Variants in UHRF2 observed in about 807,000 individuals in gnomAD.
UHRF2 encodes the protein E3 ubiquitin-protein ligase UHRF2.
UHRF2 carries 23 observed loss-of-function variants against 96.8 expected under a neutral mutation model. The ratio of observed to expected loss-of-function variants is 0.24; its 90% CI spans 0.17 to 0.34. The LOEUF (loss-of-function observed/expected upper bound fraction) is 0.34. UHRF2 is among the 10% of genes least tolerant of loss of function. UHRF2 has a pLI of 1.00. For missense variants in UHRF2, 685 were observed against 981.5 expected (o/e 0.70, Z 4.04); for synonymous variants, 385 against 332.6 (o/e 1.16, Z -1.72).
At position 6,461,382 on chromosome 9, in the gene UHRF2, T is replaced by C. The variant is rs1358464008; in HGVS notation, c.863+591T>C. Among the ~76,000 whole-genome samples, 468 of 95,924 alleles carry C rather than the reference T, an allele frequency of 4.9e-3. 3 individuals are homozygous for C. Among genetic ancestry groups the C allele is most frequent in the African/African-American group, 0.02 (448 of 22,524 alleles). 62.9% of individuals were successfully genotyped at this position (95,924 alleles called of 152,430 possible). ...CCCCTCCTCCTCTCCCCCTCCTCCTTCTCTCCTCCCCCCCGCCCCTTGTTC... is the reference window on the plus strand; with the variant it reads ...CCCCTCCTCCTCTCCCCCTCCTCCTCCTCTCCTCCCCCCCGCCCCTTGTTC... On this transcript the variant is annotated intron_variant, in intron 4 of 15. Coordinates refer to ENST00000276893, the MANE Select transcript of UHRF2 (RefSeq NM_152896.3).
intron 8 of UHRF2, among the ~76,000 whole-genome samples, chr9:6,484,061 ATTTC>A (rs1171503015): frequency 6.5e-5 from 9 of 138,718 alleles, no homozygotes; most frequent in Non-Finnish European, 1.3e-4. Flanking sequence ...TTACCTTCTT[ATTTC>A]TTTCTTTCTT....
At chr9:6,432,328 T>C (rs1330102169) in intron 2 of UHRF2, among the ~76,000 whole-genome samples, 2 of 152,226 alleles carry the variant, frequency 1.3e-5, no homozygotes, top group African/African-American at 4.8e-5. Context: ...TTTTGTTTAG[T>C]CTGTATTCTT....
At chr9:6,481,799 G>C in intron 7 of UHRF2, 33 bp downstream of exon 7, 1 of 1,598,070 alleles carries the variant, frequency 6.3e-7, no homozygotes, top group Non-Finnish European at 8.5e-7. Context: ...CTTCCTAATA[G>C]CAAGTTATAA....
rs771326770 is a variant in UHRF2 at position 6,499,825 on chromosome 9, C to T, written c.1909-10C>T. 1.9e-6 allele frequency: 3 copies of T among 1,593,062 alleles called. No homozygotes were observed. The highest frequency in any genetic ancestry group is 1.1e-5 in the South Asian group (1 of 90,022). ...TCTGCATTGTACTCTCCCTCCTCCC[C>T]CCCCATCAGTATCCAGCAGGTTACC... is the stretch of plus-strand genomic sequence containing the variant. On this transcript the variant is annotated splice_polypyrimidine_tract_variant and intron_variant, in intron 12 of 15. Transcript: ENST00000276893.
chr9:6,450,998 T>A (rs930477133), intron 3 of UHRF2, among the ~76,000 whole-genome samples: 4 of 152,208 alleles, frequency 2.6e-5, no homozygotes, highest in African/African-American at 9.7e-5. Flanking sequence ...ATATTGATAG[T>A]TCCAATTAAA....
chr9:6,456,267 T>C (rs966839765), intron 3 of UHRF2, among the ~76,000 whole-genome samples: 1 of 152,206 alleles, frequency 6.6e-6, no homozygotes, highest in African/African-American at 2.4e-5. Context: ...GGTTTTGATG[T>C]GCGTTTCTCT....
intron 10 of UHRF2, chr9:6,494,883 T>G (rs544122460): frequency 6.6e-6 from 1 of 152,332 alleles, no homozygotes; most frequent in East Asian, 1.9e-4. Flanking sequence ...TCTCTGTTTT[T>G]ATGTGTTCTA....
chr9:6,487,016 T>C (rs1824328948), intron 9 of UHRF2, 91 bp downstream of exon 9: 2 of 1,205,948 alleles, frequency 1.7e-6, no homozygotes, highest in Non-Finnish European at 2.4e-6. Context: ...AATACTGTTG[T>C]GTCTTTTTAG....
chr9:6,443,626 C>G (rs1414665319), intron 3 of UHRF2, among the ~76,000 whole-genome samples: 1 of 152,140 alleles, frequency 6.6e-6, no homozygotes, highest in Non-Finnish European at 1.5e-5. Context: ...CAGAGAAGTT[C>G]TTTTTCTTGT....
intron 4 of UHRF2, among the ~76,000 whole-genome samples, chr9:6,472,289 A>C (rs1456439438): frequency 6.6e-6 from 1 of 152,196 alleles, no homozygotes; most frequent in East Asian, 1.9e-4. Flanking sequence ...GGTTTAGGAA[A>C]TTTATCTTAT....
chr9:6,490,310 T>C (rs1824583063), intron 9 of UHRF2, among the ~76,000 whole-genome samples: 1 of 152,160 alleles, frequency 6.6e-6, no homozygotes, highest in South Asian at 2.1e-4. Context: ...CGGACTCAAA[T>C]GTTAGTTATA....
chr9:6,502,258 T>C (rs1377440960), intron 14 of UHRF2, among the ~76,000 whole-genome samples: 2 of 152,202 alleles, frequency 1.3e-5, no homozygotes, highest in Non-Finnish European at 2.9e-5. Context: ...CCCAGATTGC[T>C]TGACTGCAGT....
At chr9:6,434,607 T>G (rs1287714891) in intron 3 of UHRF2, among the ~76,000 whole-genome samples, 1 of 151,680 alleles carries the variant, frequency 6.6e-6, no homozygotes, top group Non-Finnish European at 1.5e-5. Context: ...CCTGATTAAT[T>G]CTTGTATTTT....
Position 6,413,634 on chromosome 9 carries a change from G to A in UHRF2, c.144G>A (p.Arg48=). 2 of 1,588,852 alleles carry A rather than the reference G, an allele frequency of 1.3e-6. No individual in the cohort carries two copies. Among genetic ancestry groups the A allele is most frequent in the Non-Finnish European group, 1.7e-6 (2 of 1,169,914 alleles). Residue 48 remains arginine (R), a synonymous_variant, in exon 1 of 16, where the codon CGG becomes CGA. Coordinates refer to ENST00000276893, the MANE Select transcript of UHRF2 (RefSeq NM_152896.3). ...VRPECQRLFY[R]GKQLENGYTL... is the part of the protein sequence containing the mutation. Reference sequence around the variant, plus strand: ...CCGAATGCCAGCGCCTCTTCTACCGGGGCAAGCAGGTGAGGCGCGCCCGCC... The same window carrying A: ...CCGAATGCCAGCGCCTCTTCTACCGAGGCAAGCAGGTGAGGCGCGCCCGCC...
At chr9:6,470,561 T>A (rs567329928) in intron 4 of UHRF2, among the ~76,000 whole-genome samples, 1 of 152,002 alleles carries the variant, frequency 6.6e-6, no homozygotes, top group African/African-American at 2.4e-5. Context: ...TGGGACAGAA[T>A]TAAGAGCAGG....
chr9:6,415,102 G>A (rs1040944552), intron 1 of UHRF2: 2 of 152,156 alleles, frequency 1.3e-5, no homozygotes, highest in Non-Finnish European at 2.9e-5. Flanking sequence ...TAGGACACTG[G>A]TGATTTCAGC....
intron 9 of UHRF2, among the ~76,000 whole-genome samples, chr9:6,492,152 A>G (rs1824702909): frequency 6.6e-6 from 1 of 152,230 alleles, no homozygotes; most frequent in African/African-American, 2.4e-5. Context: ...AAATGAGTTA[A>G]TGGTACAGAA....
intron 4 of UHRF2, among the ~76,000 whole-genome samples, chr9:6,466,234 C>G (rs995742536): frequency 1.3e-5 from 2 of 152,120 alleles, no homozygotes; most frequent in Non-Finnish European, 2.9e-5. Flanking sequence ...AACCTCATCT[C>G]TACTAAAAAT....
intron 5 of UHRF2, among the ~76,000 whole-genome samples, chr9:6,476,529 A>G (rs1823582288): frequency 6.6e-6 from 1 of 152,206 alleles, no homozygotes; most frequent in South Asian, 2.1e-4. Flanking sequence ...TTGATATCAA[A>G]TATTTGGTAA....
Sources: allele counts gnomAD v4.1 joint callset (sites outside exome capture counted in the v4.1 genomes callset), GRCh38; gene constraint gnomAD v4.1.1; transcripts MANE v1.5; gene names NCBI Gene and HGNC (gene_info 2026-07-23, HGNC 2026-07-21).